The following GPHN variants were observed in gnomAD, a reference collection of about 807,000 sequenced individuals.
GPHN encodes the protein gephyrin.
In GPHN, 17 loss-of-function variants were observed where a neutral mutation model predicts 95.5. That is an observed-to-expected ratio of 0.18 (90% CI 0.12 to 0.27). The LOEUF is 0.27. Among genes scored for constraint, GPHN ranks in the 10% least tolerant of loss-of-function variants. GPHN has a pLI of 1.00. For missense variants in GPHN, 660 were observed against 978.1 expected (o/e 0.67, Z 4.34); for synonymous variants, 320 against 322.5 (o/e 0.99, Z 0.08).
the GPHN span, among the ~76,000 whole-genome samples, chr14:67,635,019 T>C: frequency 3.4e-4 from 51 of 152,120 alleles, no homozygotes; most frequent in African/African-American, 1.2e-3. Context: ...CTGAAGAGGG[T>C]GGATCGCCTG....
At chr14:66,803,045 G>C (rs2060416578) in intron 3 of GPHN, among the ~76,000 whole-genome samples, 4 of 152,110 alleles carry the variant, frequency 2.6e-5, no homozygotes, top group Non-Finnish European at 4.4e-5. Context: ...AGTCCTTGTG[G>C]CCTCAACTGC....
chr14:67,461,539 C>A, the GPHN span, among the ~76,000 whole-genome samples: 1 of 152,138 alleles, frequency 6.6e-6, no homozygotes, highest in Non-Finnish European at 1.5e-5. Context: ...CCCTCCCCAG[C>A]CCTTACCCTC....
chr14:67,384,418 G>T, the GPHN span: 1 of 148,602 alleles, frequency 6.7e-6, no homozygotes, highest in Admixed American at 6.8e-5. Flanking sequence ...GAACTAATTC[G>T]TACATAATAA....
chr14:67,320,061 TAGA>T, the GPHN span, among the ~76,000 whole-genome samples: 11 of 152,234 alleles, frequency 7.2e-5, no homozygotes, highest in Admixed American at 1.3e-4. Flanking sequence ...TAAAAATTAA[TAGA>T]AGGAGTATTA....
intron 2 of GPHN, among the ~76,000 whole-genome samples, chr14:66,719,520 T>C (rs930116095): frequency 4.6e-5 from 7 of 152,124 alleles, no homozygotes; most frequent in Admixed American, 3.9e-4. Flanking sequence ...CGGTCCTCTT[T>C]CTTCAGAGGG....
the GPHN span, chr14:67,674,620 C>A: frequency 6.2e-6 from 4 of 647,138 alleles, no homozygotes; most frequent in Non-Finnish European, 9.5e-6. Context: ...GGACGAGGCT[C>A]TTCCGGAGCC....
chr14:67,225,840 C>T, the GPHN span, among the ~76,000 whole-genome samples: 2 of 152,154 alleles, frequency 1.3e-5, no homozygotes, highest in African/African-American at 2.4e-5. Flanking sequence ...ATGATAACAA[C>T]ACCCAGTAGC....
At chr14:67,589,237 T>C in the GPHN span, 3 of 541,920 alleles carry the variant, frequency 5.5e-6, no homozygotes, top group Non-Finnish European at 7.1e-6. Context: ...CCCCACCCTC[T>C]CTCCTCCCCA....
chr14:67,067,472 A>C (rs1252442575), intron 11 of GPHN, among the ~76,000 whole-genome samples: 1 of 152,202 alleles, frequency 6.6e-6, no homozygotes, highest in Admixed American at 6.5e-5. Context: ...TGGTAGAACC[A>C]CTGCTCTCTT....
At chr14:67,101,849 A>ATTATGTAT (rs2077713599) in intron 13 of GPHN, among the ~76,000 whole-genome samples, 2 of 145,488 alleles carry the variant, frequency 1.4e-5, no homozygotes, top group African/African-American at 5.1e-5. Flanking sequence ...TGGTTTATGT[A>ATTATGTAT]TTATTTATTT....
the GPHN span, among the ~76,000 whole-genome samples, chr14:67,528,036 G>A: frequency 6.6e-6 from 1 of 152,196 alleles, no homozygotes; most frequent in South Asian, 2.1e-4. Flanking sequence ...GCAAGCACAT[G>A]ATGAATGTAT....
the GPHN span, among the ~76,000 whole-genome samples, chr14:67,245,316 G>C: frequency 1.3e-5 from 2 of 152,042 alleles, no homozygotes; most frequent in Non-Finnish European, 2.9e-5. Flanking sequence ...TCAGCACTTG[G>C]TATGGTCAGT....
intron 2 of GPHN, among the ~76,000 whole-genome samples, chr14:66,717,909 A>T (rs2070345469): frequency 6.6e-6 from 1 of 152,178 alleles, no homozygotes; most frequent in South Asian, 2.1e-4. Context: ...AGTGGAGATG[A>T]CAAGGGGGTA....
chr14:66,901,245 C>G (rs2065116338), intron 5 of GPHN, among the ~76,000 whole-genome samples: 1 of 151,784 alleles, frequency 6.6e-6, no homozygotes, highest in African/African-American at 2.4e-5. Flanking sequence ...TGTTTTCTGT[C>G]AAGCTATCTG....
At chr14:66,734,144 A>C (rs1198526798) in intron 2 of GPHN, among the ~76,000 whole-genome samples, 1 of 152,170 alleles carries the variant, frequency 6.6e-6, no homozygotes, top group Non-Finnish European at 1.5e-5. Flanking sequence ...CAGCCAGAGA[A>C]ACCTTTTATT....
chr14:66,719,017 C>T (rs1041276424), intron 2 of GPHN, among the ~76,000 whole-genome samples: 2 of 152,162 alleles, frequency 1.3e-5, no homozygotes, highest in African/African-American at 4.8e-5. Context: ...CCTCACCCAG[C>T]TCCCACGCAA....
chr14:66,581,459 C>G (rs2061167424), intron 1 of GPHN, among the ~76,000 whole-genome samples: 1 of 151,678 alleles, frequency 6.6e-6, no homozygotes, highest in Admixed American at 6.6e-5. Flanking sequence ...AATCCTCTAA[C>G]CATAAAGGAA....
chr14:66,707,652 C>A (rs570806525), intron 2 of GPHN, among the ~76,000 whole-genome samples: 1 of 152,258 alleles, frequency 6.6e-6, no homozygotes, highest in East Asian at 1.9e-4. Flanking sequence ...ACAACACACA[C>A]CAGGGCCTGT....
intron 19 of GPHN, among the ~76,000 whole-genome samples, chr14:67,164,860 G>A (rs989796786): frequency 3.3e-5 from 5 of 151,866 alleles, no homozygotes; most frequent in African/African-American, 1.2e-4. Flanking sequence ...ATTAACTAGA[G>A]GGGTGGGAAA....
Sources: allele counts gnomAD v4.1 joint callset (sites outside exome capture counted in the v4.1 genomes callset), GRCh38; gene constraint gnomAD v4.1.1; transcripts MANE v1.5; gene names NCBI Gene and HGNC (gene_info 2026-07-23, HGNC 2026-07-21).